Variants in COL4A2 observed in about 807,000 individuals in gnomAD.
COL4A2 encodes the protein collagen type IV alpha 2 chain.
Under a neutral mutation model 200.2 loss-of-function variants are expected in COL4A2, and 99 were observed. The observed-to-expected ratio is 0.49, with a 90% CI of 0.42 to 0.58. COL4A2 has a LOEUF of 0.58. Among genes scored for constraint, COL4A2 ranks in the 20% least tolerant of loss-of-function variants. The pLI is 0.00. For synonymous variants in COL4A2, 897 were observed against 900.6 expected, an observed-to-expected ratio of 1.00 and a Z score of 0.07; for missense variants, 1,950 against 2,314.1, an observed-to-expected ratio of 0.84 and a Z score of 3.23.
chr13:110,308,205 C>T, intron 3 of COL4A2, 82 bp downstream of exon 3: 1 of 1,490,680 alleles, frequency 6.7e-7, no homozygotes, highest in Non-Finnish European at 9.3e-7. Context: ...GGCAGCTCGT[C>T]CGTGCGCTCC....
intron 45 of COL4A2, among the ~76,000 whole-genome samples, chr13:110,505,068 G>C (rs757514822): frequency 6.6e-6 from 1 of 151,854 alleles, no homozygotes; most frequent in Non-Finnish European, 1.5e-5. Context: ...TTAAACATAG[G>C]GGCCGGGCGC....
chr13:110,467,182 G>C, intron 27 of COL4A2, 86 bp downstream of exon 27: 1 of 1,551,994 alleles, frequency 6.4e-7, no homozygotes, highest in Non-Finnish European at 8.8e-7. Context: ...TCTTTCCTCT[G>C]GTCCTGCATC....
At chr13:110,390,232 C>A (rs1209648327) in intron 4 of COL4A2, among the ~76,000 whole-genome samples, 1 of 152,160 alleles carries the variant, frequency 6.6e-6, no homozygotes, top group Non-Finnish European at 1.5e-5. Flanking sequence ...TTGGAGAGAC[C>A]CACTCCCCTC....
intron 16 of COL4A2, among the ~76,000 whole-genome samples, chr13:110,444,376 GTGTCCAGCTGCCAGCTCC>G (rs1163561617): frequency 6.6e-6 from 1 of 152,242 alleles, no homozygotes; most frequent in Non-Finnish European, 1.5e-5. Context: ...CTCCCACTGA[GTGTCCAGCTGCCAGCTCC>G]TGTCATGCCA....
intron 3 of COL4A2, among the ~76,000 whole-genome samples, chr13:110,347,925 G>T (rs894481181): frequency 6.6e-6 from 1 of 152,238 alleles, no homozygotes; most frequent in African/African-American, 2.4e-5. Flanking sequence ...CATGCCTCCT[G>T]GTTATGTCTT....
At chr13:110,342,795 G>A (rs1876516517) in intron 3 of COL4A2, among the ~76,000 whole-genome samples, 1 of 152,156 alleles carries the variant, frequency 6.6e-6, no homozygotes, top group East Asian at 1.9e-4. Flanking sequence ...CTGCAGCACT[G>A]GAGACCCGCA....
At chr13:110,400,357 A>G (rs1056256871) in intron 4 of COL4A2, among the ~76,000 whole-genome samples, 11 of 152,262 alleles carry the variant, frequency 7.2e-5, no homozygotes, top group African/African-American at 2.4e-4. Flanking sequence ...AACTTTGGTC[A>G]GACGGAAATG....
In COL4A2 at chr13:110,469,275, C is replaced by T. The variant is rs1882371670; in HGVS notation, c.2154C>T (p.Pro718=). ...CAGGAGCTGATGGAGGACCAGGGCC[C>T]AGGGGCTTGCCAGGAGACGCAGGTC... ...GFAGADGGPG[P]RGLPGDAGRE... Residue 718 remains proline (P), a synonymous_variant, in exon 28 of 48, where the codon CCC becomes CCT. Coordinates refer to ENST00000360467, the MANE Select transcript of COL4A2 (RefSeq NM_001846.4). The T allele has an allele frequency of 4.4e-6, 7 of 1,603,364 alleles. No homozygotes were observed. The highest frequency in any genetic ancestry group is 6.0e-6 in the Non-Finnish European group (7 of 1,175,128).
At chr13:110,446,126 G>C (rs978917368) in intron 17 of COL4A2, among the ~76,000 whole-genome samples, 1 of 152,248 alleles carries the variant, frequency 6.6e-6, no homozygotes, top group Non-Finnish European at 1.5e-5. Flanking sequence ...CTCAGGCACA[G>C]AGGAAGCCAG....
In COL4A2 at chr13:110,434,982, C is replaced by T. The variant is rs114002461; in HGVS notation, c.726+540C>T. 3.5e-3 allele frequency among the ~76,000 whole-genome samples: 536 copies of T among 152,336 alleles called. 2 individuals carry two copies. Among genetic ancestry groups the T allele is most frequent in the African/African-American group, 0.012 (481 of 41,578 alleles). On this transcript the variant is annotated intron_variant, in intron 12 of 47. Transcript: ENST00000360467. ...ACAGGCTTAACGCAGCGCCACACCCCGCAAGCAAAACCTCACCAACACAGT... is the reference window on the plus strand; with the variant it reads ...ACAGGCTTAACGCAGCGCCACACCCTGCAAGCAAAACCTCACCAACACAGT...
At chr13:110,321,206 G>C (rs899368399) in intron 3 of COL4A2, among the ~76,000 whole-genome samples, 21 of 118,802 alleles carry the variant, frequency 1.8e-4, no homozygotes, top group African/African-American at 5.5e-4. Flanking sequence ...ATGTGTCTGT[G>C]TGTATATATA....
intron 4 of COL4A2, among the ~76,000 whole-genome samples, chr13:110,367,874 T>TA (rs34700823): frequency 0.4 from 60,828 of 152,042 alleles, 12,280 homozygotes; most frequent in Middle Eastern, 0.56. Context: ...GCAAGATCCA[T>TA]AATCTTTAAC....
intron 4 of COL4A2, among the ~76,000 whole-genome samples, chr13:110,372,108 A>G (rs908406886): frequency 6.6e-6 from 1 of 152,228 alleles, no homozygotes; most frequent in East Asian, 1.9e-4. Context: ...TTAAAACATA[A>G]CTGAAGCATG....
intron 20 of COL4A2, among the ~76,000 whole-genome samples, chr13:110,450,726 CG>C (rs1235444054): frequency 6.6e-6 from 1 of 152,126 alleles, no homozygotes; most frequent in African/African-American, 2.4e-5. Flanking sequence ...GCTGCAGCTT[CG>C]GTGAAATCCA....
Position 110,445,841 on chromosome 13 carries a change from C to T in COL4A2, c.970C>T (p.Leu324=). 6.2e-7 allele frequency: 1 copy of T among 1,614,144 alleles called. No homozygotes were observed. The stretch of plus-strand genomic sequence containing the variant: ...ATCTTTCTTGCAGGGAAGCCGAGGC[C>T]TGGATGGCTATCAAGGGCCTGATGG... ...GSPGQKGSRG[L]DGYQGPDGPR... Residue 324 remains leucine, a synonymous_variant, in exon 17 of 48, where the codon CTG becomes TTG. Coordinates refer to ENST00000360467, the MANE Select transcript of COL4A2 (RefSeq NM_001846.4).
At chr13:110,313,539 G>GCTGGGTTCCAGCCCCT (rs1231652188) in intron 3 of COL4A2, among the ~76,000 whole-genome samples, 6 of 133,196 alleles carry the variant, frequency 4.5e-5, no homozygotes, top group African/African-American at 1.7e-4. Flanking sequence ...CCACCCCGGT[G>GCTGGGTTCCAGCCCCT]CCCCGCGTCC....
At chr13:110,441,473 C>T (rs1881120414) in intron 16 of COL4A2, among the ~76,000 whole-genome samples, 1 of 152,240 alleles carries the variant, frequency 6.6e-6, no homozygotes, top group East Asian at 1.9e-4. Context: ...ATGCTAAACT[C>T]AGCCCAGGGA....
rs1012311404 is a variant in COL4A2 at position 110,450,763 on chromosome 13, G to T, written c.1339+309G>T. On this transcript the variant is annotated intron_variant, in intron 20 of 47. Coordinates refer to ENST00000360467, the MANE Select transcript of COL4A2 (RefSeq NM_001846.4). Reference sequence around the variant, plus strand: ...TCCTTCAGCGAAACATCTGAGCTGCGCAGTCTGGAAACAGATGTGAGCTGA... The same window carrying T: ...TCCTTCAGCGAAACATCTGAGCTGCTCAGTCTGGAAACAGATGTGAGCTGA... Among the ~76,000 whole-genome samples, 3 of 152,182 alleles carry T rather than the reference G, an allele frequency of 2.0e-5. No homozygotes were observed. The East Asian group carries it at 5.8e-4, about 29-fold the overall frequency.
At chr13:110,383,606 C>CT (rs67906394) in intron 4 of COL4A2, among the ~76,000 whole-genome samples, 3,746 of 65,470 alleles carry the variant, frequency 0.057, 593 homozygotes, top group East Asian at 0.14. Context: ...CAGCCCTTTT[C>CT]TTTTTTTTTT....
Sources: allele counts gnomAD v4.1 joint callset (sites outside exome capture counted in the v4.1 genomes callset), GRCh38; gene constraint gnomAD v4.1.1; transcripts MANE v1.5; gene names NCBI Gene and HGNC (gene_info 2026-07-23, HGNC 2026-07-21).